UGT1A7: variants seen among roughly 807,000 people sequenced by gnomAD.
UGT1A7 encodes the protein UDP-glucuronosyltransferase 1A7.
In UGT1A7, 33 loss-of-function variants were observed where a neutral mutation model predicts 45.6. The observed-to-expected ratio is 0.72, with a 90% CI of 0.55 to 0.97. The LOEUF (loss-of-function observed/expected upper bound fraction) is 0.97, where lower values mean the gene tolerates loss of function less well. UGT1A7 is among the 50% of genes least tolerant of loss of function. UGT1A7 has a pLI of 0.00. For synonymous variants in UGT1A7, 274 were observed against 250.6 expected, an observed-to-expected ratio of 1.09 and a Z score of -0.88; for missense variants, 684 against 666.2, an observed-to-expected ratio of 1.03 and a Z score of -0.29.
At chr2:233,724,372 TGCCGGGC>T (rs1434550848) in intron 1 of UGT1A7, among the ~76,000 whole-genome samples, 1 of 143,294 alleles carries the variant, frequency 7.0e-6, no homozygotes, top group Non-Finnish European at 1.5e-5. Context: ...ACGGGGTGGC[TGCCGGGC>T]GGAGACGCTC....
intron 1 of UGT1A7, among the ~76,000 whole-genome samples, chr2:233,695,491 T>C (rs2075292104): frequency 6.6e-6 from 1 of 152,018 alleles, no homozygotes; most frequent in South Asian, 2.1e-4. Context: ...CTCTTTTCTA[T>C]CAAAGTTTTT....
intron 1 of UGT1A7, among the ~76,000 whole-genome samples, chr2:233,690,259 AC>A (rs1442048743): frequency 6.6e-6 from 1 of 152,194 alleles, no homozygotes; most frequent in Non-Finnish European, 1.5e-5. Flanking sequence ...TAAGTCTCAA[AC>A]ATTTTGCAGG....
intron 1 of UGT1A7, among the ~76,000 whole-genome samples, chr2:233,712,428 T>C (rs923702716): frequency 1.3e-5 from 2 of 152,332 alleles, no homozygotes; most frequent in African/African-American, 4.8e-5. Flanking sequence ...AGAAATATCC[T>C]GGTGTGAAAA....
rs568014834 is a variant in UGT1A7, at chr2:233,720,430, C to T, written c.855+37638C>T. Among the ~76,000 whole-genome samples the T allele has an allele frequency of 5.5e-4, 84 of 151,958 alleles. 1 individual carries two copies. The highest frequency in any genetic ancestry group is 1.8e-3 in the African/African-American group (76 of 41,396). ...GAAGGGACTAGGGAGGAGATAAGAC[C>T]GTGAATCTATAAGCCCAGTGAAGCT... On this transcript the variant is annotated intron_variant, in intron 1 of 4. Coordinates refer to ENST00000373426, the MANE Select transcript of UGT1A7 (RefSeq NM_019077.3).
At chr2:233,747,099 C>T (rs1382470135) in intron 1 of UGT1A7, 1 of 1,328,162 alleles carries the variant, frequency 7.5e-7, no homozygotes, top group African/African-American at 1.5e-5. Context: ...ACTCTATCTT[C>T]CAATTACATG....
chr2:233,719,411 A>G, intron 1 of UGT1A7: 1 of 1,613,946 alleles, frequency 6.2e-7, no homozygotes. Context: ...TTCCTAAGTT[A>G]CTAACGACCA....
At chr2:233,767,824 G>A (rs201092075) in intron 2 of UGT1A7, 25 bp from the exon 3 acceptor site, 82 of 1,614,024 alleles carry the variant, frequency 5.1e-5, no homozygotes, top group East Asian at 2.7e-4. Flanking sequence ...CTTTCTTTAC[G>A]TTCTGCTCTT....
chr2:233,683,679 TA>T (rs2074646334), intron 1 of UGT1A7, among the ~76,000 whole-genome samples: 1 of 152,196 alleles, frequency 6.6e-6, no homozygotes, highest in African/African-American at 2.4e-5. Flanking sequence ...TATTAACCTT[TA>T]TTCCTCTGCA....
chr2:233,717,731 T>C (rs923613930), intron 1 of UGT1A7: 5 of 456,000 alleles, frequency 1.1e-5, no homozygotes, highest in Non-Finnish European at 2.2e-5. Context: ...GAGACCATTG[T>C]GAGTGCTCAG....
At chr2:233,755,804 T>G (rs1335569789) in intron 1 of UGT1A7, 3 of 152,158 alleles carry the variant, frequency 2.0e-5, no homozygotes, top group African/African-American at 7.2e-5. Context: ...CATTAGAGAT[T>G]AAAACAGAAT....
chr2:233,682,717 G>C lies in UGT1A7; in HGVS notation c.780G>C (p.Glu260Asp), dbSNP rs554895983. ...TGTTGCGAACTGACTTTGTTTTGGA[G>C]TATCCCAAACCCGTGATGCCCAATA... ...IWLLRTDFVL[E>D]YPKPVMPNMI... Residue 260 changes from glutamate (E) to aspartate (D), a missense_variant, in exon 1 of 5, where the codon GAG (glutamate) becomes GAC (aspartate). By Grantham distance (45) the Glu-to-Asp change is conservative. Transcript: ENST00000373426. 47 of 1,613,854 alleles carry C rather than the reference G, an allele frequency of 2.9e-5. No individual in the cohort carries two copies. The highest frequency in any genetic ancestry group is 1.7e-4 in the Middle Eastern group (1 of 6,054).
At chr2:233,752,737 C>A (rs1338142653) in intron 1 of UGT1A7, among the ~76,000 whole-genome samples, 1 of 152,024 alleles carries the variant, frequency 6.6e-6, no homozygotes. Flanking sequence ...AGAGAGAGAC[C>A]CTGTCTCTAA....
intron 1 of UGT1A7, among the ~76,000 whole-genome samples, chr2:233,750,295 C>T (rs1409213003): frequency 3.3e-5 from 5 of 151,894 alleles, no homozygotes; most frequent in African/African-American, 1.2e-4. Context: ...GCATTTTGCC[C>T]CTGCCCTAGA....
intron 1 of UGT1A7, among the ~76,000 whole-genome samples, chr2:233,696,065 A>C (rs189342937): frequency 1.3e-5 from 2 of 152,234 alleles, no homozygotes; most frequent in African/African-American, 4.8e-5. Flanking sequence ...TAGTACAGCC[A>C]CTATGAAGAA....
rs1272833298 is a variant in UGT1A7, at chr2:233,768,361, C to T, written c.1217C>T (p.Ala406Val). ...DNAKRMETKG[A>V]GVTLNVLEMT... is the part of the protein sequence containing the mutation. ...GCAAAGCGCATGGAGACTAAGGGAG[C>T]TGGAGTGACCCTGAATGTTCTGGAA... Residue 406 changes from alanine to valine, a missense_variant, in exon 4 of 5, where the codon GCT becomes GTT. Physicochemically the swap from Ala to Val is moderately conservative, Grantham distance 64. Coordinates refer to ENST00000373426, the MANE Select transcript of UGT1A7 (RefSeq NM_019077.3). 1 of 1,614,004 alleles carries T rather than the reference C, an allele frequency of 6.2e-7. No individual in the cohort carries two copies. The highest frequency in any genetic ancestry group is 1.3e-5 in the African/African-American group (1 of 74,914).
chr2:233,754,978 C>G, intron 1 of UGT1A7: 1 of 1,298,496 alleles, frequency 7.7e-7, no homozygotes, highest in Non-Finnish European at 1.0e-6. Context: ...CTGAAGACCT[C>G]GGCGGGGTCA....
chr2:233,700,461 CT>C (rs2075565476), intron 1 of UGT1A7, among the ~76,000 whole-genome samples: 1 of 151,894 alleles, frequency 6.6e-6, no homozygotes, highest in South Asian at 2.1e-4. Context: ...AATGATTCAG[CT>C]AAAAAAAGTA....
intron 1 of UGT1A7, among the ~76,000 whole-genome samples, chr2:233,715,235 G>A (rs1381956568): frequency 1.3e-5 from 2 of 152,090 alleles, no homozygotes; most frequent in Non-Finnish European, 2.9e-5. Flanking sequence ...CCAATTCTGT[G>A]AAGGATGTCT....
At chr2:233,693,365 C>T in intron 1 of UGT1A7, 2 of 1,614,176 alleles carry the variant, frequency 1.2e-6, no homozygotes, top group South Asian at 2.2e-5. Flanking sequence ...TGTTATTGGC[C>T]TGTACTTCAT....
Sources: gnomAD v4.1 joint callset for allele counts (sites outside exome capture counted in the v4.1 genomes callset) on GRCh38, gnomAD v4.1.1 for gene constraint, MANE v1.5 for transcripts, NCBI Gene and HGNC (gene_info 2026-07-23, HGNC 2026-07-21) for gene names.